Variants in PCDHGB6 observed in about 807,000 individuals in gnomAD.
PCDHGB6 encodes protocadherin gamma subfamily B, 6.
A neutral mutation model predicts 59.1 loss-of-function variants in PCDHGB6; 51 were observed. That is an observed-to-expected ratio of 0.86 (90% CI 0.69 to 1.09). PCDHGB6 has a LOEUF of 1.09. Ranked by LOEUF, PCDHGB6 falls within the 50% of genes least tolerant of loss-of-function variation. The pLI, the probability that PCDHGB6 is intolerant of heterozygous loss-of-function variation, is 0.00. For missense variants in PCDHGB6, 1,148 were observed against 1,205.1 expected (o/e 0.95, Z 0.70); for synonymous variants, 466 against 495.1 (o/e 0.94, Z 0.78).
intron 1 of PCDHGB6, among the ~76,000 whole-genome samples, chr5:141,492,964 C>CT (rs2099745347): frequency 6.6e-6 from 1 of 152,354 alleles, no homozygotes; most frequent in Non-Finnish European, 1.5e-5. Context: ...ATCTGACACT[C>CT]TAACAAGTCC....
At chr5:141,437,741 CTT>C (rs35124340) in intron 1 of PCDHGB6, among the ~76,000 whole-genome samples, 17 of 141,612 alleles carry the variant, frequency 1.2e-4, no homozygotes, top group Admixed American at 2.1e-4. Flanking sequence ...TTGAGTTCAC[CTT>C]TTTTTTTTTT....
At chr5:141,478,496 C>G in intron 1 of PCDHGB6, 1 of 1,613,014 alleles carries the variant, frequency 6.2e-7, no homozygotes, top group Non-Finnish European at 8.5e-7. Flanking sequence ...GAGCTGTGAT[C>G]CGGTGTTCTA....
At chr5:141,420,824 C>T (rs1282369085) in intron 1 of PCDHGB6, among the ~76,000 whole-genome samples, 1 of 152,216 alleles carries the variant, frequency 6.6e-6, no homozygotes, top group Admixed American at 6.5e-5. Context: ...TTAATAATTA[C>T]TCCTTTCGCA....
At chr5:141,413,867 T>TTG in intron 1 of PCDHGB6, 1 of 1,613,428 alleles carries the variant, frequency 6.2e-7, no homozygotes, top group Non-Finnish European at 8.5e-7. Flanking sequence ...GGCACTGTCC[T>TTG]TGTCAGTGTG....
intron 1 of PCDHGB6, chr5:141,418,133 C>T (rs758498780): frequency 2.5e-6 from 4 of 1,613,924 alleles, no homozygotes; most frequent in Non-Finnish European, 3.4e-6. Flanking sequence ...CCGAATAGAC[C>T]GTGAGCAAAT....
chr5:141,419,692 C>T (rs2096416788), intron 1 of PCDHGB6: 15 of 1,612,780 alleles, frequency 9.3e-6, no homozygotes, highest in Non-Finnish European at 1.3e-5. Context: ...TGGTGCAGGC[C>T]AGTGAGCCCG....
At position 141,475,845 on chromosome 5, in the gene PCDHGB6, G is replaced by A. The variant is rs2099375736; in HGVS notation, c.2419-18962G>A. On this transcript the variant is annotated intron_variant, in intron 1 of 3. Coordinates refer to ENST00000520790, the MANE Select transcript of PCDHGB6 (RefSeq NM_018926.3). ...CGCTAGCGCGTGTCCTGCTCAGAGA[G>A]CCCGGCGCTAGCTCATTCTTCGTGC... The A allele has an allele frequency of 2.0e-5, 9 of 447,884 alleles. 1 individual carries two copies. In the South Asian group the frequency reaches 2.8e-4, roughly 14 times the overall value. 27.7% of individuals were successfully genotyped at this position (447,884 alleles called of 1,614,324 possible).
chr5:141,440,878 C>A (rs1359689557), intron 1 of PCDHGB6: 1 of 152,146 alleles, frequency 6.6e-6, no homozygotes, highest in Non-Finnish European at 1.5e-5. Context: ...TGTACAGCGT[C>A]GGCCTTCAGG....
intron 1 of PCDHGB6, chr5:141,475,850 G>C (rs2099376325): frequency 8.6e-6 from 4 of 464,524 alleles, no homozygotes; most frequent in Non-Finnish European, 1.5e-5. Flanking sequence ...AGAGAGCCCG[G>C]CGCTAGCTCA....
chr5:141,446,988 C>T (rs548721486), intron 1 of PCDHGB6, among the ~76,000 whole-genome samples: 1 of 152,154 alleles, frequency 6.6e-6, no homozygotes, highest in Non-Finnish European at 1.5e-5. Flanking sequence ...TCATACTCCA[C>T]TCTTCAGACT....
At chr5:141,434,533 C>T (rs6862159) in intron 1 of PCDHGB6, among the ~76,000 whole-genome samples, 18,539 of 152,264 alleles carry the variant, frequency 0.12, 1,259 homozygotes, top group Non-Finnish European at 0.16. Flanking sequence ...AAACCACAAA[C>T]AATAGCATGA....
chr5:141,443,974 G>A (rs775899117), intron 1 of PCDHGB6, among the ~76,000 whole-genome samples: 5 of 152,066 alleles, frequency 3.3e-5, no homozygotes, highest in Non-Finnish European at 7.4e-5. Context: ...GTCCATCTAA[G>A]CTATGTTAAT....
At chr5:141,422,561 A>T in intron 1 of PCDHGB6, 1 of 1,613,992 alleles carries the variant, frequency 6.2e-7, no homozygotes, top group Non-Finnish European at 8.5e-7. Context: ...AATGTGGCAG[A>T]TGACAACGAT....
intron 3 of PCDHGB6, among the ~76,000 whole-genome samples, chr5:141,505,698 G>A (rs1041309644): frequency 2.0e-5 from 3 of 152,280 alleles, no homozygotes; most frequent in Admixed American, 6.5e-5. Context: ...GGAGGAGAGC[G>A]AACAAGGAAA....
intron 1 of PCDHGB6, chr5:141,414,152 A>G (rs1251267001): frequency 1.9e-6 from 3 of 1,600,994 alleles, no homozygotes; most frequent in Non-Finnish European, 2.6e-6. Context: ...ATACAAGCAG[A>G]AGATGGAGGA....
rs760617436 is a variant in PCDHGB6 at position 141,410,113 on chromosome 5, A to T, written c.1911A>T (p.Ala637=). Residue 637 remains alanine, a synonymous_variant, in exon 1 of 4, where the codon GCA becomes GCT. Transcript: ENST00000520790. ...RTARALGDRD[A]ARQRLLVAVR... The stretch of plus-strand genomic sequence containing the variant: ...CTCGAGCCTTAGGCGACAGGGACGC[A>T]GCCCGCCAGCGCCTGCTGGTCGCTG... 5 of 1,612,436 alleles carry T rather than the reference A, an allele frequency of 3.1e-6. No individual in the cohort carries two copies. The African/African-American group carries it at 6.7e-5, about 22-fold the overall frequency.
At chr5:141,428,154 T>G (rs760002801) in intron 1 of PCDHGB6, 29 of 1,578,806 alleles carry the variant, frequency 1.8e-5, no homozygotes, top group African/African-American at 1.3e-5. Flanking sequence ...CACGGGAACC[T>G]GCTGGTTGCT....
At chr5:141,433,641 G>C (rs1177387884) in intron 1 of PCDHGB6, among the ~76,000 whole-genome samples, 1 of 152,104 alleles carries the variant, frequency 6.6e-6, no homozygotes, top group Admixed American at 6.5e-5. Flanking sequence ...TTTGAGACCA[G>C]CCTGACCAAC....
chr5:141,461,124 A>G (rs992107268), intron 1 of PCDHGB6, among the ~76,000 whole-genome samples: 1 of 151,978 alleles, frequency 6.6e-6, no homozygotes, highest in Admixed American at 6.6e-5. Context: ...TTTTTCATAT[A>G]ATTACTTATT....
Sources: allele counts gnomAD v4.1 joint callset (sites outside exome capture counted in the v4.1 genomes callset), GRCh38; gene constraint gnomAD v4.1.1; transcripts MANE v1.5; gene names NCBI Gene and HGNC (gene_info 2026-07-23, HGNC 2026-07-21).